Variants in CDKN2B-AS1 observed in about 807,000 individuals in gnomAD.
CDKN2B-AS1 encodes CDKN2B and CDKN2A antisense cis and trans regulatory RNA 1.
intron 4 of CDKN2B-AS1, among the ~76,000 whole-genome samples, chr9:22,108,120 C>A (rs918719685): frequency 5.3e-5 from 8 of 152,082 alleles, no homozygotes; most frequent in African/African-American, 1.9e-4. Context: ...TAGTTTGGGC[C>A]TTCTATCTCT....
rs369666598 is a variant in CDKN2B-AS1 at position 22,043,269 on chromosome 9, G to A, written n.30-3482G>A. Among the ~76,000 whole-genome samples the A allele has an allele frequency of 1.8e-3, 270 of 152,046 alleles. 1 individual carries two copies. Among genetic ancestry groups the A allele is most frequent in the African/African-American group, 6.2e-3 (256 of 41,508 alleles). ...AGAGTTTTTTTCTCCATGGATTTTA[G>A]TCACTGGTAAAGGCTGTTTCATATT... On this transcript the variant is annotated intron_variant and non_coding_transcript_variant, in intron 1 of 4. Transcript: ENST00000650946.
At chr9:22,062,986 C>CAT (rs1554672666) in intron 4 of CDKN2B-AS1, among the ~76,000 whole-genome samples, 319 of 136,734 alleles carry the variant, frequency 2.3e-3, no homozygotes, top group South Asian at 9.3e-3. Flanking sequence ...GACACACACA[C>CAT]ATATATATAT....
At chr9:22,082,156 T>C (rs144895764) in intron 4 of CDKN2B-AS1, among the ~76,000 whole-genome samples, 1 of 152,330 alleles carries the variant, frequency 6.6e-6, no homozygotes, top group African/African-American at 2.4e-5. Flanking sequence ...TACAGGCCAG[T>C]CTTACTGCAG....
chr9:22,028,225 T>C (rs1457103971), intron 1 of CDKN2B-AS1, among the ~76,000 whole-genome samples: 4 of 152,066 alleles, frequency 2.6e-5, no homozygotes, highest in South Asian at 2.1e-4. Flanking sequence ...TATAAAAATA[T>C]TTAAAATATT....
chr9:22,082,381 A>G (rs10965228), intron 4 of CDKN2B-AS1, among the ~76,000 whole-genome samples: 9,889 of 152,310 alleles, frequency 0.065, 453 homozygotes, highest in Non-Finnish European at 0.099. Flanking sequence ...CATCAATCTC[A>G]TCAGAAAATG....
At chr9:22,003,691 G>A (rs1335656699) in intron 1 of CDKN2B-AS1, 3 of 231,278 alleles carry the variant, frequency 1.3e-5, no homozygotes, top group Non-Finnish European at 2.6e-5. Context: ...CTGTGCTTCA[G>A]TTTGAAAATG....
At chr9:21,995,038 C>T (rs1290392453), upstream of CDKN2B-AS1, 1 of 152,258 alleles carries the variant, frequency 6.6e-6, no homozygotes, top group Non-Finnish European at 1.5e-5. The surrounding 1 kb of genome is among the most constrained non-coding windows in gnomAD (Gnocchi z 5.7). Context: ...CCGCTCCGCT[C>T]CTCTTCTAGA....
chr9:22,098,085 T>C (rs1825345638), intron 4 of CDKN2B-AS1, among the ~76,000 whole-genome samples: 1 of 152,086 alleles, frequency 6.6e-6, no homozygotes, highest in Non-Finnish European at 1.5e-5. Context: ...CATTTAGATA[T>C]TTAGTGAAAA....
At chr9:22,023,638 G>T (rs555024765) in intron 1 of CDKN2B-AS1, among the ~76,000 whole-genome samples, 1 of 152,230 alleles carries the variant, frequency 6.6e-6, no homozygotes, top group African/African-American at 2.4e-5. Flanking sequence ...AGCTACTGGG[G>T]AGACTGAGGC....
chr9:22,103,153 G>GTGTA (rs1474439398), intron 4 of CDKN2B-AS1, among the ~76,000 whole-genome samples: 1 of 150,932 alleles, frequency 6.6e-6, no homozygotes, highest in Non-Finnish European at 1.5e-5. Flanking sequence ...GTGTGTGTGT[G>GTGTA]TGTGTGTGTG....
At chr9:22,111,851 AT>A (rs1168653263) in intron 4 of CDKN2B-AS1, among the ~76,000 whole-genome samples, 1 of 152,200 alleles carries the variant, frequency 6.6e-6, no homozygotes, top group East Asian at 1.9e-4. Context: ...AAGTGTTTGT[AT>A]GAACAAACCA....
rs773194349 is a variant in CDKN2B-AS1, at chr9:22,006,029, G to T, written n.29+10868G>T. The stretch of plus-strand genomic sequence containing the variant: ...TGCGCAGGTACCCTGCAACGTCGCG[G>T]TGGCCCCGCTCCTCGGCCAAGTCCA... On this transcript the variant is annotated intron_variant and non_coding_transcript_variant, in intron 1 of 4. Coordinates refer to ENST00000650946, the Ensembl canonical transcript of CDKN2B-AS1. This position sits in a 1 kb window ranked among gnomAD's most constrained non-coding sequence, Gnocchi z 6.4. 1.2e-6 allele frequency: 2 copies of T among 1,604,088 alleles called. No individual in the cohort carries two copies. Among genetic ancestry groups the T allele is most frequent in the South Asian group, 1.1e-5 (1 of 90,924 alleles).
chr9:22,035,036 C>T (rs191307231), intron 1 of CDKN2B-AS1, among the ~76,000 whole-genome samples: 35 of 152,236 alleles, frequency 2.3e-4, no homozygotes, highest in Middle Eastern at 6.8e-3. Flanking sequence ...CACAAGACTA[C>T]TATGAGGAGT....
At chr9:22,017,388 TA>T (rs1821817884) in intron 1 of CDKN2B-AS1, among the ~76,000 whole-genome samples, 2 of 152,240 alleles carry the variant, frequency 1.3e-5, no homozygotes, top group South Asian at 4.1e-4. Flanking sequence ...ACCTCTTTTT[TA>T]GGGCTCAACC....
At chr9:22,030,793 C>T (rs1249926997) in intron 1 of CDKN2B-AS1, 1 of 151,820 alleles carries the variant, frequency 6.6e-6, no homozygotes, top group Non-Finnish European at 1.5e-5. Flanking sequence ...TACAGTGATC[C>T]CCTAATAAAT....
intron 1 of CDKN2B-AS1, among the ~76,000 whole-genome samples, chr9:22,034,103 C>A (rs1822587389): frequency 6.6e-6 from 1 of 152,132 alleles, no homozygotes. Context: ...ACAATGTGGC[C>A]TTAGGCCAGA....
chr9:22,082,309 C>A (rs1047093096), intron 4 of CDKN2B-AS1, among the ~76,000 whole-genome samples: 108 of 152,154 alleles, frequency 7.1e-4, no homozygotes, highest in African/African-American at 2.6e-3. Flanking sequence ...ATAACAGTAG[C>A]AGCATAACTG....
chr9:22,103,994 A>G (rs1255881822), intron 4 of CDKN2B-AS1, among the ~76,000 whole-genome samples: 1 of 152,274 alleles, frequency 6.6e-6, no homozygotes, highest in Non-Finnish European at 1.5e-5. Context: ...CTATTGTGAA[A>G]TAAAAATAAA....
intron 4 of CDKN2B-AS1, among the ~76,000 whole-genome samples, chr9:22,066,851 G>T (rs1824064325): frequency 2.0e-5 from 3 of 152,034 alleles, no homozygotes; most frequent in Admixed American, 6.5e-5. Context: ...TTAAGAAAAT[G>T]TGGCATATAT....
Sources: allele counts gnomAD v4.1 joint callset (sites outside exome capture counted in the v4.1 genomes callset), GRCh38; gene constraint gnomAD v4.1.1; non-coding constraint Gnocchi (gnomAD v3.1); transcripts MANE v1.5; gene names NCBI Gene and HGNC (gene_info 2026-07-23, HGNC 2026-07-21).